The following PTPRH variants were observed in gnomAD, a reference collection of about 807,000 sequenced individuals.
PTPRH encodes the protein protein tyrosine phosphatase receptor type H, also known as receptor-type tyrosine-protein phosphatase H.
In PTPRH, 113 loss-of-function variants were observed where a neutral mutation model predicts 130.2. The observed-to-expected ratio is 0.87, with a 90% CI of 0.75 to 1.01. PTPRH has a LOEUF of 1.01. Among genes scored for constraint, PTPRH ranks in the 50% least tolerant of loss-of-function variants. PTPRH has a pLI of 0.00. For missense variants in PTPRH, 1,430 were observed against 1,425.0 expected (o/e 1.00, Z -0.06); for synonymous variants, 556 against 577.9 (o/e 0.96, Z 0.54).
At chr19:55,206,118 T>A (rs2087043834) in intron 3 of PTPRH, among the ~76,000 whole-genome samples, 1 of 151,484 alleles carries the variant, frequency 6.6e-6, no homozygotes, top group Non-Finnish European at 1.5e-5. Context: ...CTGTAGTCTC[T>A]GCTACTCGGG....
rs61734207 is a variant in PTPRH at position 55,200,368 on chromosome 19, T to A, written c.1288A>T (p.Thr430Ser). The A allele has an allele frequency of 1.2e-6, 2 of 1,614,144 alleles. No individual in the cohort carries two copies. The highest frequency in any genetic ancestry group is 1.7e-6 in the Non-Finnish European group (2 of 1,180,034). The part of the protein sequence containing the change: ...WVEYTGDGGG[T>S]ETRNTTNTSV... ...GTATTTGTTGTGTTTCGGGTCTCTG[T>A]GCCACCACCGTCTCCAGTGTACTCT... Residue 430 changes from threonine (T) to serine (S), a missense_variant, in exon 7 of 20, where the codon ACA becomes TCA. Transcript: ENST00000376350.
In PTPRH at chr19:55,186,498, G is replaced by A. The variant is rs1218762554; in HGVS notation, c.2609C>T (p.Pro870Leu). 6.4e-7 allele frequency: 1 copy of A among 1,561,324 alleles called. No homozygotes were observed. The highest frequency in any genetic ancestry group is 8.6e-7 in the Non-Finnish European group (1 of 1,159,750). The change falls in exon 15 of 20, where the codon CCA becomes CTA. Residue 870 changes from proline (P) to leucine (L), a missense_variant. Pro to Leu is a moderately conservative substitution (Grantham distance 98). Coordinates refer to ENST00000376350, the MANE Select transcript of PTPRH (RefSeq NM_002842.5). The stretch of plus-strand genomic sequence containing the variant: ...GCTGGCATTGATGTAGTCAGAGCCT[G>A]GCTCCTCATGGATGGGCTTCAGGGG... ...RVPLKPIHEE[P>L]GSDYINASFM...
rs551565992 is a variant in PTPRH at position 55,205,741 on chromosome 19, T to C, written c.353-149A>G. ...GGCAGCCACGAGTTCCACGTGAGTG[T>C]TGAGCACCGTGAGGTGGCTTTTGTG... On this transcript the variant is annotated intron_variant, in intron 3 of 19. Coordinates refer to ENST00000376350, the MANE Select transcript of PTPRH (RefSeq NM_002842.5). 5.8e-5 allele frequency: 69 copies of C among 1,193,814 alleles called. No individual in the cohort carries two copies. In the African/African-American group the frequency reaches 1.0e-3, roughly 18 times the overall value. The allele number at this position is 1,193,814 out of a possible 1,614,324, so 74.0% of individuals were successfully genotyped here. A position where few individuals can be genotyped will look rare whatever the true frequency, so the allele number is the denominator to read the frequency against.
At chr19:55,192,442 C>A (rs1476192271) in intron 10 of PTPRH, among the ~76,000 whole-genome samples, 4 of 151,990 alleles carry the variant, frequency 2.6e-5, no homozygotes, top group African/African-American at 9.7e-5. Context: ...GTATGTAGTA[C>A]ATATTACAGA....
At chr19:55,205,929 C>A (rs923930206) in intron 3 of PTPRH, among the ~76,000 whole-genome samples, 1 of 152,088 alleles carries the variant, frequency 6.6e-6, no homozygotes, top group African/African-American at 2.4e-5. Context: ...GATTACAAGT[C>A]AAAATGAAAA....
chr19:55,196,617 A>C lies in PTPRH; in HGVS notation c.2162T>G (p.Leu721Arg). ...SCGEAVSVLG[L>R]GPARSYPATI... is the part of the protein sequence containing the mutation. ...GGCTGGGTAGGACCGAGCCGGCCCG[A>C]GACCCAACACAGACACAGCCTCCCC... The change falls in exon 10 of 20, where the codon CTC (leucine) becomes CGC (arginine). Residue 721 changes from leucine (L) to arginine (R), a missense_variant. Transcript: ENST00000376350. The C allele has an allele frequency of 1.2e-6, 2 of 1,613,766 alleles. No individual in the cohort carries two copies. The highest frequency in any genetic ancestry group is 1.7e-6 in the Non-Finnish European group (2 of 1,179,952).
At chr19:55,203,306 G>A (rs1380013503) in intron 5 of PTPRH, among the ~76,000 whole-genome samples, 7 of 132,598 alleles carry the variant, frequency 5.3e-5, no homozygotes, top group Admixed American at 4.2e-4. Flanking sequence ...CAGCCTGGGC[G>A]ACAGAGGGAG....
intron 6 of PTPRH, among the ~76,000 whole-genome samples, chr19:55,200,733 A>C (rs2086834450): frequency 6.6e-6 from 1 of 152,006 alleles, no homozygotes; most frequent in Non-Finnish European, 1.5e-5. Flanking sequence ...ACCTGAGGTC[A>C]GGAGATTGAG....
At chr19:55,202,463 C>T (rs538977714) in intron 5 of PTPRH, 141 bp from the exon 6 acceptor site, 63 of 1,320,568 alleles carry the variant, frequency 4.8e-5, no homozygotes, top group African/African-American at 1.0e-4. Flanking sequence ...ACGAGTTCCA[C>T]GTGAGTGTTG....
In PTPRH at chr19:55,209,451, G is replaced by C; in HGVS notation, c.-18C>G. On this transcript the variant is annotated 5_prime_UTR_variant, in exon 1 of 20. Coordinates refer to ENST00000376350, the MANE Select transcript of PTPRH (RefSeq NM_002842.5). This position sits in a 1 kb window ranked among gnomAD's most constrained non-coding sequence, Gnocchi z 4.1. ...CCAGCCATGCCTCCAGACACTGCCG[G>C]GGACCCAGGAGTCCCAGGCCTAGTC... 2 of 1,540,142 alleles carry C rather than the reference G, an allele frequency of 1.3e-6. No individual in the cohort carries two copies. The highest frequency in any genetic ancestry group is 1.8e-6 in the Non-Finnish European group (2 of 1,135,532).
intron 8 of PTPRH, 68 bp from the exon 9 acceptor site, chr19:55,197,484 C>T (rs368092514): frequency 2.1e-5 from 30 of 1,432,936 alleles, no homozygotes; most frequent in Non-Finnish European, 2.8e-5. Context: ...CTGTCTGCCT[C>T]TCCCCCACAG....
chr19:55,207,065 T>C, intron 2 of PTPRH, 101 bp downstream of exon 2: 2 of 1,574,110 alleles, frequency 1.3e-6, no homozygotes, highest in South Asian at 2.3e-5. Context: ...CATAAACCCC[T>C]ACCATGGACC....
chr19:55,207,050 G>T (rs2087088752), intron 2 of PTPRH, 95 bp from the exon 3 acceptor site: 1 of 1,556,232 alleles, frequency 6.4e-7, no homozygotes, highest in African/African-American at 1.4e-5. Context: ...AGAAACAACG[G>T]CGCTCATAAA....
chr19:55,187,580 G>T lies in PTPRH; in HGVS notation c.2499C>A (p.Ser833Arg), dbSNP rs1276124800. The T allele has an allele frequency of 6.2e-7, 1 of 1,613,192 alleles. No homozygotes were observed. The highest frequency in any genetic ancestry group is 1.1e-5 in the South Asian group (1 of 91,054). The change falls in exon 14 of 20, where the codon AGC (serine) becomes AGA (arginine). Residue 833 changes from serine to arginine, a missense_variant. Ser to Arg is a moderately radical substitution (Grantham distance 110, BLOSUM62 -1). Transcript: ENST00000376350. ...EYQQLSLVGH[S>R]QSQMVASASE... ...AAGCCGAAGCCACCATCTGAGACTG[G>T]CTGTGGCCCACCAGGGAGAGTTGCT...
At chr19:55,192,017 A>G (rs2086556125) in intron 10 of PTPRH, 1 of 591,816 alleles carries the variant, frequency 1.7e-6, no homozygotes, top group Non-Finnish European at 3.2e-6. Flanking sequence ...GACCTTTATG[A>G]TGATCTACTT....
At chr19:55,190,744 C>T (rs1468662822) in intron 12 of PTPRH, among the ~76,000 whole-genome samples, 1 of 150,382 alleles carries the variant, frequency 6.6e-6, no homozygotes, top group Middle Eastern at 3.5e-3. Flanking sequence ...ATTCTCCTGC[C>T]CCAGCCACCT....
At chr19:55,192,945 C>T (rs2086584365) in intron 10 of PTPRH, among the ~76,000 whole-genome samples, 1 of 151,756 alleles carries the variant, frequency 6.6e-6, no homozygotes, top group African/African-American at 2.4e-5. Flanking sequence ...AGAGTGACTC[C>T]TGGCCAGGCA....
At chr19:55,203,322 G>A (rs1253004085) in intron 5 of PTPRH, among the ~76,000 whole-genome samples, 2 of 99,556 alleles carry the variant, frequency 2.0e-5, no homozygotes, top group Non-Finnish European at 3.8e-5. Context: ...GGGAGACTCT[G>A]TCTCAAAAAA....
chr19:55,200,455 A>T lies in PTPRH; in HGVS notation c.1201T>A (p.Ser401Thr). ...GGGACTTCCCAGCATAGGGCGATGG[A>T]GCTGTTGGTCTGAGTCTCCATATGG... ...NLHMETQTNS[S>T]IALCWEVPDG... The change falls in exon 7 of 20, where the codon TCC (serine) becomes ACC (threonine). Residue 401 changes from serine to threonine, a missense_variant. Coordinates refer to ENST00000376350, the MANE Select transcript of PTPRH (RefSeq NM_002842.5). 6.2e-7 allele frequency: 1 copy of T among 1,614,056 alleles called. No individual in the cohort carries two copies. The highest frequency in any genetic ancestry group is 8.5e-7 in the Non-Finnish European group (1 of 1,180,006).
Sources: allele counts gnomAD v4.1 joint callset (sites outside exome capture counted in the v4.1 genomes callset), GRCh38; gene constraint gnomAD v4.1.1; non-coding constraint Gnocchi (gnomAD v3.1); transcripts MANE v1.5; gene names NCBI Gene and HGNC (gene_info 2026-07-23, HGNC 2026-07-21).